The following PLCB4 variants were observed in gnomAD, a reference collection of about 807,000 sequenced individuals.
The protein encoded by PLCB4 is phospholipase C beta 4, also known as 1-phosphatidylinositol 4,5-bisphosphate phosphodiesterase beta-4.
PLCB4 carries 77 observed loss-of-function variants against 178.8 expected under a neutral mutation model. The observed-to-expected ratio is 0.43, with a 90% CI of 0.36 to 0.52. The LOEUF (loss-of-function observed/expected upper bound fraction) is 0.52, where lower values mean the gene tolerates loss of function less well. Ranked by LOEUF, PLCB4 falls within the 20% of genes least tolerant of loss-of-function variation. PLCB4 has a pLI of 0.00. For missense variants in PLCB4, 1,024 were observed against 1,453.4 expected, an observed-to-expected ratio of 0.70 and a Z score of 4.80; for synonymous variants, 496 against 490.8, an observed-to-expected ratio of 1.01 and a Z score of -0.14.
chr20:9,077,243 G>T (rs1293075103), intron 1 of PLCB4, among the ~76,000 whole-genome samples: 1 of 152,168 alleles, frequency 6.6e-6, no homozygotes, highest in Non-Finnish European at 1.5e-5. Context: ...CAAACTGAAA[G>T]ATTCAAGATC....
chr20:9,262,134 TG>T (rs1351860810), intron 3 of PLCB4, among the ~76,000 whole-genome samples: 2 of 152,176 alleles, frequency 1.3e-5, no homozygotes, highest in Non-Finnish European at 2.9e-5. Flanking sequence ...TGGGATAGGC[TG>T]AGCTGGAGGA....
intron 3 of PLCB4, among the ~76,000 whole-genome samples, chr20:9,226,581 ATG>A (rs2093868735): frequency 6.6e-6 from 1 of 152,120 alleles, no homozygotes; most frequent in African/African-American, 2.4e-5. Context: ...TGACAGGGAG[ATG>A]GTGAATCTAT....
At chr20:9,351,978 C>G (rs764333829) in intron 7 of PLCB4, among the ~76,000 whole-genome samples, 1 of 152,190 alleles carries the variant, frequency 6.6e-6, no homozygotes, top group Non-Finnish European at 1.5e-5. Flanking sequence ...CCCATACCAA[C>G]AGAATTTCAC....
chr20:9,295,800 A>G (rs944836282), intron 3 of PLCB4, among the ~76,000 whole-genome samples: 1 of 152,152 alleles, frequency 6.6e-6, no homozygotes, highest in African/African-American at 2.4e-5. Flanking sequence ...TGGTACCAGT[A>G]CCATGCTGTT....
At chr20:9,155,776 T>G (rs543673401) in intron 2 of PLCB4, among the ~76,000 whole-genome samples, 1 of 152,268 alleles carries the variant, frequency 6.6e-6, no homozygotes, top group South Asian at 2.1e-4. Flanking sequence ...ATGCCCCATT[T>G]CCTTTGTGCT....
At chr20:9,473,706 A>G (rs2044345007) in intron 38 of PLCB4, among the ~76,000 whole-genome samples, 1 of 152,214 alleles carries the variant, frequency 6.6e-6, no homozygotes, top group African/African-American at 2.4e-5. Context: ...TTTGCAAACT[A>G]TAGGCAAGGG....
At position 9,472,825 on chromosome 20, in the gene PLCB4, A is replaced by G; in HGVS notation, c.3386A>G (p.Lys1129Arg). 6.3e-7 allele frequency: 1 copy of G among 1,597,850 alleles called. No homozygotes were observed. The highest frequency in any genetic ancestry group is 8.6e-7 in the Non-Finnish European group (1 of 1,168,770). ...GAGTTAAACAGCAGCAACACTAAAAAGTTTCTGGAAGAAAGAAAGAGAGTA... is the reference window on the plus strand; with the variant it reads ...GAGTTAAACAGCAGCAACACTAAAAGGTTTCTGGAAGAAAGAAAGAGAGTA... ...VRELNSSNTKKFLEERKRLAM... is the reference protein window; with the variant it reads ...VRELNSSNTKRFLEERKRLAM... Residue 1129 changes from lysine to arginine, a missense_variant, in exon 37 of 40, where the codon AAG becomes AGG. Physicochemically the swap from Lys to Arg is conservative, Grantham distance 26 (BLOSUM62 2). Coordinates refer to ENST00000378473, the MANE Select transcript of PLCB4 (RefSeq NM_001377142.1).
intron 2 of PLCB4, among the ~76,000 whole-genome samples, chr20:9,152,361 A>T (rs2092705773): frequency 1.3e-5 from 2 of 152,122 alleles, no homozygotes; most frequent in South Asian, 4.2e-4. Context: ...AGGAGGAAAA[A>T]ATGATTTCAT....
rs183963953 is a variant in PLCB4 at position 9,099,677 on chromosome 20, G to A, written c.-79+3335G>A. Reference sequence around the variant, plus strand: ...CAACACCACAAAGCTATTCCTAGGGGCTTTGCCCCTGGGGTCCTGGCATGG... The same window carrying A: ...CAACACCACAAAGCTATTCCTAGGGACTTTGCCCCTGGGGTCCTGGCATGG... On this transcript the variant is annotated intron_variant, in intron 2 of 39. Coordinates refer to ENST00000378473, the MANE Select transcript of PLCB4 (RefSeq NM_001377142.1). Among the ~76,000 whole-genome samples the A allele has an allele frequency of 3.7e-3, 560 of 152,184 alleles. 5 individuals are homozygous for A. The highest frequency in any genetic ancestry group is 6.6e-3 in the Non-Finnish European group (447 of 67,996).
At chr20:9,415,814 C>T (rs937708301) in intron 25 of PLCB4, among the ~76,000 whole-genome samples, 1 of 152,174 alleles carries the variant, frequency 6.6e-6, no homozygotes, top group African/African-American at 2.4e-5. Flanking sequence ...AGTTCAGGGC[C>T]CTGTAGAACT....
chr20:9,094,766 A>C (rs2090833864), intron 1 of PLCB4, among the ~76,000 whole-genome samples: 1 of 152,126 alleles, frequency 6.6e-6, no homozygotes, highest in African/African-American at 2.4e-5. Flanking sequence ...GCCCCACCCC[A>C]GTTGTTACTA....
intron 4 of PLCB4, among the ~76,000 whole-genome samples, chr20:9,322,117 AT>A (rs749496709): frequency 3.7e-3 from 428 of 116,600 alleles, no homozygotes; most frequent in East Asian, 5.8e-3. Context: ...CACCCAGGTA[AT>A]TTTTTTTTTT....
intron 39 of PLCB4, among the ~76,000 whole-genome samples, chr20:9,477,546 G>A (rs1297354119): frequency 6.6e-6 from 1 of 152,118 alleles, no homozygotes; most frequent in African/African-American, 2.4e-5. Context: ...AATTTCCAGT[G>A]CTGATAATGT....
At chr20:9,442,154 A>T (rs7267881) in intron 30 of PLCB4, among the ~76,000 whole-genome samples, 3,165 of 152,314 alleles carry the variant, frequency 0.021, 95 homozygotes, top group African/African-American at 0.073. Context: ...TGGGGCTACC[A>T]CTAACCACAT....
intron 3 of PLCB4, among the ~76,000 whole-genome samples, chr20:9,289,865 A>G (rs2094565556): frequency 6.6e-6 from 1 of 152,136 alleles, no homozygotes; most frequent in Non-Finnish European, 1.5e-5. Context: ...AAGAGAGTAT[A>G]TAACTTCAAA....
rs1035987954 is a variant in PLCB4 at position 9,116,498 on chromosome 20, C to G, written c.-79+20156C>G. Among the ~76,000 whole-genome samples, 21 of 152,270 alleles carry G rather than the reference C, an allele frequency of 1.4e-4. No individual in the cohort carries two copies. In the East Asian group the frequency reaches 3.9e-3, roughly 28 times the overall value. ...AGTTTTGCCTCACCTATCCTTATATCAGTATCACAGAGCTAAGACTAGGAT... is the reference window on the plus strand; with the variant it reads ...AGTTTTGCCTCACCTATCCTTATATGAGTATCACAGAGCTAAGACTAGGAT... On this transcript the variant is annotated intron_variant, in intron 2 of 39. Coordinates refer to ENST00000378473, the MANE Select transcript of PLCB4 (RefSeq NM_001377142.1).
rs138578592 is a variant in PLCB4, at chr20:9,128,616, C to A, written c.-79+32274C>A. On this transcript the variant is annotated intron_variant, in intron 2 of 39. Transcript: ENST00000378473. Reference sequence around the variant, plus strand: ...ACCAGGCTGGTCTCCAACTCTTGACCTCAAGTGATCCACCCACTGCCTTGG... The same window carrying A: ...ACCAGGCTGGTCTCCAACTCTTGACATCAAGTGATCCACCCACTGCCTTGG... Among the ~76,000 whole-genome samples, 434 of 152,250 alleles carry A rather than the reference C, an allele frequency of 2.9e-3. 4 individuals are homozygous for A. Among genetic ancestry groups the A allele is most frequent in the Non-Finnish European group, 4.4e-3 (300 of 68,012 alleles).
At chr20:9,427,144 G>T (rs2041074375) in intron 28 of PLCB4, among the ~76,000 whole-genome samples, 1 of 152,112 alleles carries the variant, frequency 6.6e-6, no homozygotes, top group Non-Finnish European at 1.5e-5. Flanking sequence ...AGAATTGATT[G>T]TACCTGGGAG....
intron 2 of PLCB4, among the ~76,000 whole-genome samples, chr20:9,097,232 C>CTTTTT (rs544568591): frequency 2.5e-5 from 2 of 81,072 alleles, no homozygotes; most frequent in African/African-American, 5.0e-5. Context: ...ACAGCCTGGC[C>CTTTTT]TTTTTTTTTT....
Sources: gnomAD v4.1 joint callset for allele counts (sites outside exome capture counted in the v4.1 genomes callset) on GRCh38, gnomAD v4.1.1 for gene constraint, MANE v1.5 for transcripts, NCBI Gene and HGNC (gene_info 2026-07-23, HGNC 2026-07-21) for gene names.